Variants in P2RX5 observed in about 807,000 individuals in gnomAD.
P2RX5 encodes purinergic receptor P2X 5.
A neutral mutation model predicts 54.1 loss-of-function variants in P2RX5; 46 were observed. The observed-to-expected ratio is 0.85, with a 90% confidence interval of 0.67 to 1.09. The LOEUF is 1.09. Among genes scored for constraint, P2RX5 ranks in the 50% least tolerant of loss-of-function variants. P2RX5 has a pLI of 0.00. For synonymous variants in P2RX5, 226 were observed against 226.4 expected (o/e 1.00, Z 0.02); for missense variants, 566 against 549.8 (o/e 1.03, Z -0.29).
the P2RX5 span, chr17:3,723,572 T>G: frequency 8.4e-7 from 1 of 1,186,454 alleles, no homozygotes; most frequent in Non-Finnish European, 1.2e-6. Flanking sequence ...AGGGAGGGCC[T>G]GGCAGCCCCC....
intron 3 of P2RX5, 61 bp from the exon 4 acceptor site, chr17:3,690,741 C>T: frequency 6.5e-7 from 1 of 1,535,918 alleles, no homozygotes; most frequent in Non-Finnish European, 9.0e-7. Context: ...CCGGGTCCCA[C>T]TCCAGGAGAT....
Position 3,677,048 on chromosome 17 carries a change from C to T in P2RX5, c.1259+2542G>A, listed in dbSNP as rs139747658. The T allele has an allele frequency of 1.1e-4, 110 of 975,596 alleles. No individual in the cohort carries two copies. The African/African-American group carries it at 1.6e-3, about 15-fold the overall frequency. 60.4% of individuals were successfully genotyped at this position (975,596 alleles called of 1,614,324 possible). ...CTGCACTCCAGCCTGGGTGACAGAG[C>T]GAGACTCTATTTCAAAAAAATAAAT... On this transcript the variant is annotated intron_variant, in intron 11 of 11. Transcript: ENST00000225328.
chr17:3,696,620 A>G (rs1033502965), upstream of P2RX5, among the ~76,000 whole-genome samples: 8 of 151,858 alleles, frequency 5.3e-5, no homozygotes, highest in African/African-American at 1.9e-4. Context: ...TTGTATTTTT[A>G]GTAGAGACGG....
At chr17:3,684,981 G>C (rs890592292) in intron 9 of P2RX5, among the ~76,000 whole-genome samples, 3 of 151,904 alleles carry the variant, frequency 2.0e-5, no homozygotes, top group Admixed American at 1.3e-4. Flanking sequence ...GAGCAGCTGG[G>C]ATTACAAGCA....
intron 1 of P2RX5, among the ~76,000 whole-genome samples, chr17:3,694,330 G>A (rs1026877412): frequency 6.6e-5 from 10 of 151,504 alleles, no homozygotes; most frequent in African/African-American, 2.2e-4. Flanking sequence ...TCAGCCTCCC[G>A]ATTAGCTGGG....
intron 9 of P2RX5, chr17:3,685,374 C>T (rs1480429063): frequency 1.3e-5 from 2 of 152,862 alleles, no homozygotes; most frequent in East Asian, 3.8e-4. Flanking sequence ...CCCTCTTTTC[C>T]CACGCCTATT....
At chr17:3,677,956 G>C in intron 11 of P2RX5, 1 of 985,420 alleles carries the variant, frequency 1.0e-6, no homozygotes, top group Non-Finnish European at 1.2e-6. Flanking sequence ...GTTCAGGAGA[G>C]ATGGCTGTGC....
intron 9 of P2RX5, chr17:3,685,718 T>TCCCCCCA (rs1245711151): frequency 5.5e-5 from 1 of 18,264 alleles, no homozygotes; most frequent in African/African-American, 9.9e-5. Context: ...AACGTCCCCC[T>TCCCCCCA]CCCAGCCTGA....
At chr17:3,704,249 G>A in the P2RX5 span, among the ~76,000 whole-genome samples, 1 of 152,334 alleles carries the variant, frequency 6.6e-6, no homozygotes, top group Admixed American at 6.5e-5. Flanking sequence ...CTGGAAGGAG[G>A]AGATTTGAAT....
chr17:3,717,167 C>CCGTG, the P2RX5 span: 1 of 178,118 alleles, frequency 5.6e-6, no homozygotes, highest in Non-Finnish European at 1.2e-5. Flanking sequence ...GTCCCTGAGC[C>CCGTG]CCGTGCCTAT....
chr17:3,678,465 G>A (rs1409278399), intron 11 of P2RX5, among the ~76,000 whole-genome samples: 1 of 152,258 alleles, frequency 6.6e-6, no homozygotes, highest in African/African-American at 2.4e-5. Flanking sequence ...CAGAATGGGA[G>A]CTCAAGTGAG....
At position 3,673,630 on chromosome 17, in the gene P2RX5, A is replaced by G; in HGVS notation, c.*238T>C. On this transcript the variant is annotated 3_prime_UTR_variant, in exon 12 of 12. Transcript: ENST00000225328. ...CGGGAAGCCAGCCACGGAGAAAGGA[A>G]GAACTGACGGCAGGGGGTGGGGCAA... 7.0e-7 allele frequency: 1 copy of G among 1,428,964 alleles called. No homozygotes were observed. The highest frequency in any genetic ancestry group is 2.5e-5 in the East Asian group (1 of 39,298). 88.5% of individuals were successfully genotyped at this position (1,428,964 alleles called of 1,614,324 possible). A position where few individuals can be genotyped will look rare whatever the true frequency, so the allele number is the denominator to read the frequency against.
intron 9 of P2RX5, among the ~76,000 whole-genome samples, chr17:3,684,501 C>T (rs1203546745): frequency 6.6e-6 from 1 of 152,158 alleles, no homozygotes; most frequent in African/African-American, 2.4e-5. Context: ...AGTGGGGAGG[C>T]TGAGGTGGGA....
intron 11 of P2RX5, among the ~76,000 whole-genome samples, chr17:3,674,182 G>T (rs909389609): frequency 6.6e-6 from 1 of 152,140 alleles, no homozygotes; most frequent in African/African-American, 2.4e-5. Context: ...GGCGAGGCGA[G>T]CGCCTGTAGT....
chr17:3,673,381 GGA>G lies in P2RX5; in HGVS notation c.*485_*486del, dbSNP rs779717933. 105 of 1,035,450 alleles carry G rather than the reference GGA, an allele frequency of 1.0e-4. No homozygotes were observed. The African/African-American group carries it at 1.7e-3, about 17-fold the overall frequency. 64.1% of individuals were successfully genotyped at this position (1,035,450 alleles called of 1,614,324 possible). The stretch of plus-strand genomic sequence containing the variant: ...AGCTGGCAGGAAGGTGGTGTCTTTA[GGA>G]GAGAGAGTACTTGGATCCACTGGAG... On this transcript the variant is annotated 3_prime_UTR_variant, in exon 12 of 12. Coordinates refer to ENST00000225328, the MANE Select transcript of P2RX5 (RefSeq NM_002561.4).
the P2RX5 span, chr17:3,723,151 G>GCCGTATCATTA: frequency 3.1e-6 from 2 of 646,472 alleles, no homozygotes; most frequent in East Asian, 2.8e-5. Flanking sequence ...AACGGGTTGG[G>GCCGTATCATTA]ACAGAGGGTT....
intron 11 of P2RX5, chr17:3,677,645 G>T (rs1036294988): frequency 9.1e-6 from 9 of 985,356 alleles, no homozygotes; most frequent in Non-Finnish European, 1.1e-5. Context: ...TGATGTCTCT[G>T]TTGGCTTTGG....
chr17:3,712,560 T>C, the P2RX5 span, among the ~76,000 whole-genome samples: 1 of 152,144 alleles, frequency 6.6e-6, no homozygotes, highest in Non-Finnish European at 1.5e-5. Flanking sequence ...TAGCCAAAAG[T>C]AGAAATATCA....
chr17:3,690,888 G>A (rs2050595657), intron 3 of P2RX5, 68 bp downstream of exon 3: 5 of 1,406,288 alleles, frequency 3.6e-6, no homozygotes, highest in Admixed American at 3.8e-5. Context: ...TGCTTCAGAA[G>A]AGAGTAGACC....
Sources: gnomAD v4.1 joint callset for allele counts (sites outside exome capture counted in the v4.1 genomes callset) on GRCh38, gnomAD v4.1.1 for gene constraint, MANE v1.5 for transcripts, NCBI Gene and HGNC (gene_info 2026-07-23, HGNC 2026-07-21) for gene names.